PSD3: variants seen among roughly 807,000 people sequenced by gnomAD.
PSD3 encodes pleckstrin and Sec7 domain containing 3.
Under a neutral mutation model 105.5 loss-of-function variants are expected in PSD3, and 49 were observed. The observed-to-expected ratio is 0.46, with a 90% CI of 0.37 to 0.59. The LOEUF (loss-of-function observed/expected upper bound fraction) is 0.59, where lower values mean the gene tolerates loss of function less well. PSD3 is among the 20% of genes least tolerant of loss of function. PSD3 has a pLI of 0.00. For synonymous variants in PSD3, 557 were observed against 457.8 expected (o/e 1.22, Z -2.77); for missense variants, 1,561 against 1,263.8 (o/e 1.24, Z -3.57).
intron 10 of PSD3, among the ~76,000 whole-genome samples, chr8:18,648,529 T>A (rs1479279257): frequency 6.6e-6 from 1 of 152,244 alleles, no homozygotes; most frequent in South Asian, 2.1e-4. Flanking sequence ...TATGCTTATA[T>A]GTGCGAGCAA....
chr8:18,854,695 T>C (rs897516744), intron 4 of PSD3, among the ~76,000 whole-genome samples: 1 of 152,188 alleles, frequency 6.6e-6, no homozygotes, highest in African/African-American at 2.4e-5. Context: ...ATTTAAGTCA[T>C]TAATATTATA....
At chr8:19,029,249 G>T (rs1488233926) in intron 1 of PSD3, among the ~76,000 whole-genome samples, 1 of 152,050 alleles carries the variant, frequency 6.6e-6, no homozygotes. Flanking sequence ...CAGCTTGGAG[G>T]GAATTGAAAA....
intron 1 of PSD3, among the ~76,000 whole-genome samples, chr8:18,959,189 G>C (rs949330828): frequency 1.3e-5 from 2 of 152,132 alleles, no homozygotes; most frequent in African/African-American, 4.8e-5. Flanking sequence ...CCAAAGTGCT[G>C]GGATTACGGG....
chr8:18,599,635 G>T (rs1314658577), intron 12 of PSD3, among the ~76,000 whole-genome samples: 1 of 152,126 alleles, frequency 6.6e-6, no homozygotes, highest in Non-Finnish European at 1.5e-5. Flanking sequence ...AAGAGAATGG[G>T]CTTGAACTGT....
intron 9 of PSD3, chr8:18,733,889 GAAAA>G (rs1375928105): frequency 6.6e-6 from 1 of 152,488 alleles, no homozygotes; most frequent in Non-Finnish European, 1.5e-5. Context: ...ATGAAAAAAA[GAAAA>G]AGAGCAGAAA....
chr8:18,528,348 C>A lies in PSD3; in HGVS notation c.*7395G>T, dbSNP rs1383345917. 1 of 152,216 alleles carries A rather than the reference C, an allele frequency of 6.6e-6. No homozygotes were observed. Among genetic ancestry groups the A allele is most frequent in the African/African-American group, 2.4e-5 (1 of 41,450 alleles). 9.4% of individuals were successfully genotyped at this position (152,216 alleles called of 1,614,324 possible). On this transcript the variant is annotated 3_prime_UTR_variant, in exon 16 of 16. Transcript: ENST00000327040. ...ATATCGTCCGTCCGTAGTTAGAACT[C>A]AGGGTGCCAGTTTGTTTTTTGCAAA...
chr8:19,002,281 A>G (rs1289680265), intron 1 of PSD3, among the ~76,000 whole-genome samples: 1 of 151,544 alleles, frequency 6.6e-6, no homozygotes, highest in African/African-American at 2.4e-5. Context: ...GAAGGCGACA[A>G]CTCCCCCGTC....
At chr8:18,666,297 C>T (rs546760370) in intron 9 of PSD3, among the ~76,000 whole-genome samples, 3 of 152,314 alleles carry the variant, frequency 2.0e-5, no homozygotes, top group South Asian at 2.1e-4. Context: ...GTGATCCGCC[C>T]GCTTTGGCAT....
chr8:18,825,157 TG>T (rs951907771), intron 4 of PSD3, among the ~76,000 whole-genome samples: 1 of 152,178 alleles, frequency 6.6e-6, no homozygotes. Flanking sequence ...CATGGGAAAT[TG>T]TTAGAGGCAA....
chr8:18,601,928 C>G (rs1037374236), intron 11 of PSD3, among the ~76,000 whole-genome samples: 5 of 152,176 alleles, frequency 3.3e-5, no homozygotes, highest in African/African-American at 1.2e-4. Context: ...AGCAGACCAG[C>G]TGGTTTCCAG....
intron 9 of PSD3, among the ~76,000 whole-genome samples, chr8:18,667,167 G>GC (rs1799519663): frequency 6.6e-6 from 1 of 152,020 alleles, no homozygotes; most frequent in Non-Finnish European, 1.5e-5. Flanking sequence ...CTCTTATCTG[G>GC]CCCCACCCAC....
intron 8 of PSD3, among the ~76,000 whole-genome samples, chr8:18,780,382 AT>A (rs1262694734): frequency 1.3e-5 from 2 of 151,548 alleles, no homozygotes; most frequent in Non-Finnish European, 2.9e-5. Flanking sequence ...GCCAATCTAT[AT>A]TTTTTAAGGG....
At chr8:19,013,865 G>C (rs1386533673), upstream of PSD3, among the ~76,000 whole-genome samples, 2 of 144,092 alleles carry the variant, frequency 1.4e-5, no homozygotes, top group South Asian at 4.6e-4. Flanking sequence ...AGGCGGGGCC[G>C]ACGCCTCGGG....
At chr8:18,918,182 C>A (rs1323797190) in intron 2 of PSD3, among the ~76,000 whole-genome samples, 1 of 152,212 alleles carries the variant, frequency 6.6e-6, no homozygotes, top group South Asian at 2.1e-4. Flanking sequence ...TAGTTCATTG[C>A]TCCCTCTTGA....
chr8:18,562,452 A>C (rs952992600), intron 14 of PSD3, among the ~76,000 whole-genome samples: 1 of 152,220 alleles, frequency 6.6e-6, no homozygotes, highest in African/African-American at 2.4e-5. Context: ...GCTTCAGCAC[A>C]TTGTCTTACT....
intron 9 of PSD3, among the ~76,000 whole-genome samples, chr8:18,686,415 C>G (rs1311446902): frequency 1.3e-5 from 2 of 152,212 alleles, no homozygotes; most frequent in Non-Finnish European, 2.9e-5. Context: ...ATTGCCCTGT[C>G]CTTTTTAAAC....
intron 8 of PSD3, among the ~76,000 whole-genome samples, chr8:18,782,380 G>A (rs1808721850): frequency 6.6e-6 from 1 of 151,904 alleles, no homozygotes; most frequent in Non-Finnish European, 1.5e-5. Context: ...AAGGCGTTTT[G>A]GCTTTGATTC....
intron 15 of PSD3, among the ~76,000 whole-genome samples, chr8:18,554,528 A>C (rs1800954063): frequency 6.6e-6 from 1 of 152,192 alleles, no homozygotes; most frequent in Admixed American, 6.5e-5. Context: ...ACCATGAAGA[A>C]AACTAGTACA....
At chr8:18,934,741 A>T (rs1014852182) in intron 2 of PSD3, among the ~76,000 whole-genome samples, 3 of 152,240 alleles carry the variant, frequency 2.0e-5, no homozygotes, top group Non-Finnish European at 4.4e-5. Context: ...CACACAGTTT[A>T]TAAGTTCAAG....
Sources: gnomAD v4.1 joint callset for allele counts (sites outside exome capture counted in the v4.1 genomes callset) on GRCh38, gnomAD v4.1.1 for gene constraint, MANE v1.5 for transcripts, NCBI Gene and HGNC (gene_info 2026-07-23, HGNC 2026-07-21) for gene names.